The following PRIM2 variants were observed in gnomAD, a reference collection of about 807,000 sequenced individuals.
PRIM2 encodes the protein DNA primase large subunit.
In PRIM2, 39 loss-of-function variants were observed where a neutral mutation model predicts 67.3. That is an observed-to-expected ratio of 0.58 (90% CI 0.45 to 0.76). The LOEUF (loss-of-function observed/expected upper bound fraction) is 0.76, where lower values mean the gene tolerates loss of function less well. Among genes scored for constraint, PRIM2 ranks in the 30% least tolerant of loss-of-function variants. PRIM2 has a pLI of 0.00. For synonymous variants in PRIM2, 143 were observed against 198.7 expected (o/e 0.72, Z 2.36); for missense variants, 398 against 598.7 (o/e 0.66, Z 3.50).
At position 57,382,156 on chromosome 6, in the gene PRIM2, C is replaced by G. The variant is rs758020022; in HGVS notation, c.681C>G (p.Ser227=). 3 of 1,612,920 alleles carry G rather than the reference C, an allele frequency of 1.9e-6. No individual in the cohort carries two copies. The highest frequency in any genetic ancestry group is 2.5e-6 in the Non-Finnish European group (3 of 1,179,282). Residue 227 remains serine (S), a synonymous_variant, in exon 7 of 14, where the codon TCC becomes TCG. Transcript: ENST00000615550. ...TGAATGAATTTAGAGCCAAACTGTC[C>G]AAGGCTTTGGCAGTGAGTATTTTAC... ...IILNEFRAKL[S]KALALTARSL... is the part of the protein sequence containing the mutation.
At chr6:57,561,306 ACTGGAACCTCTG>A (rs1471379458) in intron 10 of PRIM2, among the ~76,000 whole-genome samples, 1 of 152,070 alleles carries the variant, frequency 6.6e-6, no homozygotes, top group Admixed American at 6.6e-5. Flanking sequence ...ATCTGGGCTC[ACTGGAACCTCTG>A]CCTCCTGGGT....
chr6:57,333,360 C>T (rs1029189155), intron 5 of PRIM2, among the ~76,000 whole-genome samples: 1 of 152,036 alleles, frequency 6.6e-6, no homozygotes, highest in East Asian at 1.9e-4. Flanking sequence ...GCTTGCTGAA[C>T]CTTTTAGCTT....
chr6:57,503,604 C>A (rs1774189677), intron 7 of PRIM2, among the ~76,000 whole-genome samples: 1 of 152,018 alleles, frequency 6.6e-6, no homozygotes, highest in Non-Finnish European at 1.5e-5. Flanking sequence ...CAGAAATTAG[C>A]TGGGCATGGT....
At chr6:57,429,855 T>G (rs1771760216) in intron 7 of PRIM2, among the ~76,000 whole-genome samples, 1 of 152,244 alleles carries the variant, frequency 6.6e-6, no homozygotes, top group African/African-American at 2.4e-5. Flanking sequence ...TCCTGGCCAT[T>G]TTAATAGGCA....
At chr6:57,596,980 A>G (rs1208992477) in intron 10 of PRIM2, among the ~76,000 whole-genome samples, 1 of 151,754 alleles carries the variant, frequency 6.6e-6, no homozygotes, top group Non-Finnish European at 1.5e-5. Context: ...ATATTTATAC[A>G]TTCATCTTTC....
At chr6:57,327,582 A>C (rs1036085670) in intron 5 of PRIM2, among the ~76,000 whole-genome samples, 1 of 152,222 alleles carries the variant, frequency 6.6e-6, no homozygotes, top group East Asian at 1.9e-4. Flanking sequence ...CTTTGCATAG[A>C]CAGATGTCAT....
Position 57,318,568 on chromosome 6 carries a change from A to G in PRIM2, c.123A>G (p.Glu41=). 1 of 1,578,244 alleles carries G rather than the reference A, an allele frequency of 6.3e-7. No individual in the cohort carries two copies. Among genetic ancestry groups the G allele is most frequent in the Non-Finnish European group, 8.6e-7 (1 of 1,160,352 alleles). Residue 41 remains glutamate, a synonymous_variant, in exon 2 of 14, where the codon GAA becomes GAG. Transcript: ENST00000615550. ...CTTCTGAAAACATATCTTTAATAGAATTTGAAAACTTGGCTATTGATAGAG... is the reference window on the plus strand; with the variant it reads ...CTTCTGAAAACATATCTTTAATAGAGTTTGAAAACTTGGCTATTGATAGAG... ...QPPSENISLI[E]FENLAIDRVK...
chr6:57,504,565 T>C, intron 7 of PRIM2, among the ~76,000 whole-genome samples: 1 of 152,118 alleles, frequency 6.6e-6, no homozygotes, highest in East Asian at 1.9e-4. Flanking sequence ...TTATGCCAAA[T>C]TCTATGATGG....
chr6:57,316,923 C>T (rs1020819235), upstream of PRIM2, among the ~76,000 whole-genome samples: 7 of 152,218 alleles, frequency 4.6e-5, no homozygotes, highest in African/African-American at 1.7e-4. Context: ...TTCTTTCATT[C>T]ATTCTAGTTC....
the PRIM2 span, among the ~76,000 whole-genome samples, chr6:57,271,920 C>T: frequency 7.4e-4 from 112 of 152,316 alleles, 1 homozygote; most frequent in African/African-American, 2.7e-3. Context: ...TGTTCAGTTT[C>T]CACGTAGTTG....
intron 7 of PRIM2, among the ~76,000 whole-genome samples, chr6:57,490,555 T>G (rs1773865195): frequency 6.6e-6 from 1 of 152,038 alleles, no homozygotes; most frequent in African/African-American, 2.4e-5. Flanking sequence ...ATAAACATAA[T>G]AAATGTATTC....
chr6:57,396,591 A>T (rs534064392), intron 7 of PRIM2, among the ~76,000 whole-genome samples: 361 of 152,234 alleles, frequency 2.4e-3, no homozygotes, highest in African/African-American at 7.9e-3. Context: ...TGGTTGGTGA[A>T]TTCTTATCCA....
rs1189530732 is a variant in PRIM2 at position 57,645,321 on chromosome 6, TCACACACACACACACACACA to T, written c.1300-576_1300-557del. Among the ~76,000 whole-genome samples the T allele has an allele frequency of 1.2e-3, 158 of 132,856 alleles. 2 individuals are homozygous for T. Among genetic ancestry groups the T allele is most frequent in the South Asian group, 5.2e-3 (19 of 3,652 alleles). 87.2% of individuals were successfully genotyped at this position (132,856 alleles called of 152,430 possible). A position where few individuals can be genotyped will look rare whatever the true frequency, so the allele number is the denominator to read the frequency against. On this transcript the variant is annotated intron_variant, in intron 13 of 13. Transcript: ENST00000615550. ...GTGCCTCACTAACATACAATGTCATTCACACACACACACACACACACACACACACACACACACACACACAC... is the reference window on the plus strand; with the variant it reads ...GTGCCTCACTAACATACAATGTCATTCACACACACACACACACACACACAC...
rs148450414 is a variant in PRIM2 at position 57,333,951 on chromosome 6, T to C, written c.459+7906T>C. ...CCACTCACTTAGCATTTTTCATCAA[T>C]ACAGTTTGTTGTCATTAACTGTAGA... On this transcript the variant is annotated intron_variant, in intron 5 of 13. Coordinates refer to ENST00000615550, the MANE Select transcript of PRIM2 (RefSeq NM_000947.5). 3.3e-3 allele frequency among the ~76,000 whole-genome samples: 501 copies of C among 152,358 alleles called. 1 individual carries two copies. Among genetic ancestry groups the C allele is most frequent in the Non-Finnish European group, 5.3e-3 (363 of 68,026 alleles).
chr6:57,558,800 G>A (rs1472669385), intron 10 of PRIM2, among the ~76,000 whole-genome samples: 1 of 152,024 alleles, frequency 6.6e-6, no homozygotes, highest in Non-Finnish European at 1.5e-5. Context: ...TCTAATCAAT[G>A]CCAAGATGCT....
chr6:57,614,814 C>T (rs1194179200), intron 12 of PRIM2, among the ~76,000 whole-genome samples: 1 of 152,206 alleles, frequency 6.6e-6, no homozygotes, highest in Non-Finnish European at 1.5e-5. Flanking sequence ...CATGCCACTG[C>T]ACTCCAGCCT....
At chr6:57,313,131 TA>T (rs1194636755), upstream of PRIM2, among the ~76,000 whole-genome samples, 3 of 152,198 alleles carry the variant, frequency 2.0e-5, no homozygotes, top group African/African-American at 7.2e-5. Context: ...GCTATTCTCC[TA>T]AAGATAGACA....
intron 3 of PRIM2, among the ~76,000 whole-genome samples, chr6:57,323,758 T>C (rs1036446083): frequency 6.6e-6 from 1 of 151,324 alleles, no homozygotes. Flanking sequence ...ATTCTGCACA[T>C]GTATCCCAGA....
At chr6:57,481,167 A>G (rs1485953956) in intron 7 of PRIM2, among the ~76,000 whole-genome samples, 1 of 152,190 alleles carries the variant, frequency 6.6e-6, no homozygotes, top group Non-Finnish European at 1.5e-5. Flanking sequence ...ATGCTGTCTT[A>G]TCATGTGAAA....
Sources: allele counts gnomAD v4.1 joint callset (sites outside exome capture counted in the v4.1 genomes callset), GRCh38; gene constraint gnomAD v4.1.1; transcripts MANE v1.5; gene names NCBI Gene and HGNC (gene_info 2026-07-23, HGNC 2026-07-21).